The following SLC12A5 variants were observed in gnomAD, a reference collection of about 807,000 sequenced individuals.
SLC12A5 encodes solute carrier family 12 member 5, also known as K-Cl cotransporter 2.
SLC12A5 carries 18 observed loss-of-function variants against 124.0 expected under a neutral mutation model. That is an observed-to-expected ratio of 0.15 (90% CI 0.10 to 0.22). SLC12A5 has a LOEUF of 0.22. Ranked by LOEUF, SLC12A5 falls within the 10% of genes least tolerant of loss-of-function variation. The probability of loss-of-function intolerance (pLI) is 1.00; values close to 1 mark genes in which losing one functional copy is unlikely to be tolerated. For synonymous variants in SLC12A5, 589 were observed against 568.0 expected (o/e 1.04, Z -0.53); for missense variants, 867 against 1,478.7 (o/e 0.59, Z 6.78).
intron 1 of SLC12A5, among the ~76,000 whole-genome samples, chr20:46,030,261 G>A (rs1465933138): frequency 6.6e-6 from 1 of 152,176 alleles, no homozygotes; most frequent in East Asian, 1.9e-4. Flanking sequence ...AGCTTCCCCA[G>A]TGAGGCCTCA....
At chr20:46,039,156 C>A (rs1368360368) in intron 6 of SLC12A5, among the ~76,000 whole-genome samples, 1 of 152,084 alleles carries the variant, frequency 6.6e-6, no homozygotes, top group African/African-American at 2.4e-5. Context: ...AACCCTATAC[C>A]TAAGCAACTC....
At position 46,056,814 on chromosome 20, in the gene SLC12A5, A is replaced by C; in HGVS notation, c.3111-83A>C. ...AGAGCAGGACTCAGGGCAGATGACC[A>C]TGGCCCAAGCCCCCAGTGTCTTCCT... On this transcript the variant is annotated intron_variant, in intron 23 of 25. Coordinates refer to ENST00000243964, the MANE Select transcript of SLC12A5 (RefSeq NM_020708.5). The surrounding 1 kb of genome is among the most constrained non-coding windows in gnomAD (Gnocchi z 4.3). The C allele has an allele frequency of 1.4e-6, 2 of 1,461,432 alleles. No homozygotes were observed. Among genetic ancestry groups the C allele is most frequent in the Non-Finnish European group, 1.9e-6 (2 of 1,044,246 alleles). 90.5% of individuals were successfully genotyped at this position (1,461,432 alleles called of 1,614,324 possible). A position where few individuals can be genotyped will look rare whatever the true frequency, so the allele number is the denominator to read the frequency against.
exon 1 of SLC12A5, chr20:46,021,871 G>C: frequency 6.5e-7 from 1 of 1,529,698 alleles, no homozygotes. Flanking sequence ...CCACCTCCCG[G>C]GGGAAGACGT....
chr20:46,022,050 C>A, intron 1 of SLC12A5: 1 of 883,562 alleles, frequency 1.1e-6, no homozygotes, highest in Non-Finnish European at 1.6e-6. Flanking sequence ...AACCAAGGGG[C>A]CGGGGCCGCG....
intron 7 of SLC12A5, 31 bp downstream of exon 7, chr20:46,040,645 C>T (rs375910366): frequency 8.1e-6 from 13 of 1,608,400 alleles, no homozygotes; most frequent in Middle Eastern, 1.7e-4. Context: ...CCCAAGGAAT[C>T]GTCCTCCTAC....
chr20:46,056,828 C>A lies in SLC12A5; in HGVS notation c.3111-69C>A. 6.5e-7 allele frequency: 1 copy of A among 1,530,788 alleles called. No homozygotes were observed. Among genetic ancestry groups the A allele is most frequent in the Non-Finnish European group, 9.0e-7 (1 of 1,106,092 alleles). The allele number at this position is 1,530,788 out of a possible 1,614,324, so 94.8% of individuals were successfully genotyped here. ...GGCAGATGACCATGGCCCAAGCCCCCAGTGTCTTCCTCTTTTTCTGACTCT... is the reference window on the plus strand; with the variant it reads ...GGCAGATGACCATGGCCCAAGCCCCAAGTGTCTTCCTCTTTTTCTGACTCT... On this transcript the variant is annotated intron_variant, in intron 23 of 25. Transcript: ENST00000243964. The surrounding 1 kb of genome is among the most constrained non-coding windows in gnomAD (Gnocchi z 4.3).
chr20:46,031,723 C>T (rs576755622), intron 1 of SLC12A5, among the ~76,000 whole-genome samples: 1 of 152,214 alleles, frequency 6.6e-6, no homozygotes, highest in Non-Finnish European at 1.5e-5. Flanking sequence ...CCTGTTTCCT[C>T]CCCGGGAGCT....
Position 46,058,768 on chromosome 20 carries a change from G to T in SLC12A5, c.*1163G>T. Reference sequence around the variant, plus strand: ...GGAGGGGGCCGATTCTGGTTTAGGGGCCGGACCCACTGAGAGGCCCCAGAG... The same window carrying T: ...GGAGGGGGCCGATTCTGGTTTAGGGTCCGGACCCACTGAGAGGCCCCAGAG... On this transcript the variant is annotated 3_prime_UTR_variant, in exon 26 of 26. Transcript: ENST00000243964. This position sits in a 1 kb window ranked among gnomAD's most constrained non-coding sequence, Gnocchi z 5.8. 2.5e-6 allele frequency: 1 copy of T among 398,710 alleles called. No individual in the cohort carries two copies. The highest frequency in any genetic ancestry group is 4.4e-6 in the Non-Finnish European group (1 of 226,116). The allele number at this position is 398,710 out of a possible 1,614,324, so 24.7% of individuals were successfully genotyped here.
chr20:46,036,064 C>A, intron 4 of SLC12A5, 141 bp downstream of exon 4: 1 of 1,015,700 alleles, frequency 9.8e-7, no homozygotes, highest in Non-Finnish European at 1.4e-6. Flanking sequence ...GTAAATTAGG[C>A]CTGACTGGTC....
At chr20:46,024,217 G>T (rs896126938), upstream of SLC12A5, among the ~76,000 whole-genome samples, 1 of 151,944 alleles carries the variant, frequency 6.6e-6, no homozygotes, top group Non-Finnish European at 1.5e-5. Context: ...CTGTGGGGTG[G>T]TCAGTGACTC....
In SLC12A5 at chr20:46,040,376, T is replaced by A. The variant is rs2145487840; in HGVS notation, c.616T>A (p.Tyr206Asn). 6.2e-7 allele frequency: 1 copy of A among 1,613,964 alleles called. No individual in the cohort carries two copies. Among genetic ancestry groups the A allele is most frequent in the South Asian group, 1.1e-5 (1 of 91,080 alleles). The change falls in exon 7 of 26, where the codon TAC becomes AAC. Residue 206 changes from tyrosine to asparagine, a missense_variant. This residue lies in a region of SLC12A5 where 126 missense variants were observed against 291.6 expected (regional missense o/e 0.43). Coordinates refer to ENST00000243964, the MANE Select transcript of SLC12A5 (RefSeq NM_020708.5). ...ILGTIEILLA[Y>N]LFPAMAIFKA... ...TCTTCCTGCCCCTTTCCCACAGGCT[T>A]ACCTCTTCCCAGCCATGGCCATCTT...
intron 1 of SLC12A5, 84 bp downstream of exon 1, chr20:46,029,480 C>A: frequency 7.0e-7 from 1 of 1,422,976 alleles, no homozygotes; most frequent in South Asian, 1.3e-5. Flanking sequence ...CGGGGGCCAC[C>A]TCCTTCAGAG....
intron 20 of SLC12A5, 149 bp from the exon 21 acceptor site, chr20:46,054,766 CA>C: frequency 1.6e-6 from 1 of 613,244 alleles, no homozygotes. Context: ...CAACCCTTGA[CA>C]AAATTAATGA....
rs1378862214 is a variant in SLC12A5 at position 46,056,280 on chromosome 20, G to C, written c.2910+8G>C. ...GAGAAGCCAGAGGAGGAGGTGTGCAGCTTGGGTGGTTTGGCCCCAACCAGT... is the reference window on the plus strand; with the variant it reads ...GAGAAGCCAGAGGAGGAGGTGTGCACCTTGGGTGGTTTGGCCCCAACCAGT... On this transcript the variant is annotated splice_region_variant and intron_variant, in intron 22 of 25. Transcript: ENST00000243964. The surrounding 1 kb of genome is among the most constrained non-coding windows in gnomAD (Gnocchi z 4.3). 1 of 1,613,996 alleles carries C rather than the reference G, an allele frequency of 6.2e-7. No individual in the cohort carries two copies. Among genetic ancestry groups the C allele is most frequent in the African/African-American group, 1.3e-5 (1 of 74,942 alleles).
At position 46,057,333 on chromosome 20, in the gene SLC12A5, GGGAGGT is replaced by G; in HGVS notation, c.3259+34_3259+39del. ...CCTGGAATTAAAATTGGGGGAAAGA[GGGAGGT>G]GGACGTCAGGGAATCTGGGTCCTGT... On this transcript the variant is annotated intron_variant, in intron 25 of 25. Coordinates refer to ENST00000243964, the MANE Select transcript of SLC12A5 (RefSeq NM_020708.5). This position sits in a 1 kb window ranked among gnomAD's most constrained non-coding sequence, Gnocchi z 7.1. 3 of 1,613,496 alleles carry G rather than the reference GGGAGGT, an allele frequency of 1.9e-6. No homozygotes were observed. Among genetic ancestry groups the G allele is most frequent in the Non-Finnish European group, 2.5e-6 (3 of 1,179,410 alleles).
chr20:46,026,474 A>C (rs61088297), upstream of SLC12A5, among the ~76,000 whole-genome samples: 4,430 of 152,142 alleles, frequency 0.029, 175 homozygotes, highest in Admixed American at 0.12. Flanking sequence ...GTTTTCTCTG[A>C]ACCTCACCAC....
chr20:46,050,454 A>G (rs1247374739), intron 17 of SLC12A5, among the ~76,000 whole-genome samples: 1 of 152,246 alleles, frequency 6.6e-6, no homozygotes, highest in Non-Finnish European at 1.5e-5. Context: ...AGGGTAGTAG[A>G]GGAAGTAGGT....
chr20:46,045,214 C>T lies in SLC12A5; in HGVS notation c.1569+74C>T. The T allele has an allele frequency of 2.0e-6, 3 of 1,484,916 alleles. No individual in the cohort carries two copies. The highest frequency in any genetic ancestry group is 2.7e-5 in the South Asian group (2 of 74,882). 92.0% of individuals were successfully genotyped at this position (1,484,916 alleles called of 1,614,324 possible). On this transcript the variant is annotated intron_variant, in intron 12 of 25. Coordinates refer to ENST00000243964, the MANE Select transcript of SLC12A5 (RefSeq NM_020708.5). This position sits in a 1 kb window ranked among gnomAD's most constrained non-coding sequence, Gnocchi z 4.9. ...CTGCCCAGAGAGACCACACAGTGAC[C>T]CAGGGCCATAACCAGCCTTAGACTA...
chr20:46,058,253 A>C lies in SLC12A5; in HGVS notation c.*648A>C, dbSNP rs1177687904. The C allele has an allele frequency of 2.6e-6, 1 of 389,690 alleles. No homozygotes were observed. The highest frequency in any genetic ancestry group is 4.5e-6 in the Non-Finnish European group (1 of 220,794). The allele number at this position is 389,690 out of a possible 1,614,324, so 24.1% of individuals were successfully genotyped here. ...GGGAGGCGAGGCCTCGGGAAGCTGA[A>C]TTTTCCTTGACGTCCAAGAGTTTGA... On this transcript the variant is annotated 3_prime_UTR_variant, in exon 26 of 26. Coordinates refer to ENST00000243964, the MANE Select transcript of SLC12A5 (RefSeq NM_020708.5). This position sits in a 1 kb window ranked among gnomAD's most constrained non-coding sequence, Gnocchi z 5.8.
Sources: gnomAD v4.1 joint callset for allele counts (sites outside exome capture counted in the v4.1 genomes callset) on GRCh38, gnomAD v4.1.1 for gene constraint, gnomAD v4.1.1 regional missense constraint, Gnocchi (gnomAD v3.1) non-coding constraint, MANE v1.5 for transcripts, NCBI Gene and HGNC (gene_info 2026-07-23, HGNC 2026-07-21) for gene names.